TTC7A: variants seen among roughly 807,000 people sequenced by gnomAD.
TTC7A encodes tetratricopeptide repeat domain 7A.
In TTC7A, 110 loss-of-function variants were observed where a neutral mutation model predicts 103.7. The ratio of observed to expected loss-of-function variants is 1.06; its 90% CI spans 0.91 to 1.24. TTC7A has a LOEUF of 1.24. Among genes scored for constraint, TTC7A ranks in the 50% most tolerant of loss-of-function variants. The pLI, the probability that TTC7A is intolerant of heterozygous loss-of-function variation, is 0.00. For synonymous variants in TTC7A, 521 were observed against 467.9 expected (o/e 1.11, Z -1.47); for missense variants, 1,340 against 1,116.3 (o/e 1.20, Z -2.86).
chr2:47,072,947 A>C (rs765374594), intron 19 of TTC7A, among the ~76,000 whole-genome samples: 2 of 152,154 alleles, frequency 1.3e-5, no homozygotes, highest in South Asian at 2.1e-4. Flanking sequence ...TAGTTCCTCT[A>C]TCTCTTTGGT....
In TTC7A at chr2:47,046,400, T is replaced by C. The variant is rs773362664; in HGVS notation, c.1888T>C (p.Trp630Arg). The C allele has an allele frequency of 6.2e-7, 1 of 1,614,200 alleles. No homozygotes were observed. Among genetic ancestry groups the C allele is most frequent in the Non-Finnish European group, 8.5e-7 (1 of 1,180,018 alleles). The stretch of plus-strand genomic sequence containing the variant: ...GACCTGCAGACAAGTGCTGAGGCTG[T>C]GGCAGACCCTGTACAGCTTCTCCCA... ...LVTCRQVLRL[W>R]QTLYSFSQLG... is the part of the protein sequence containing the mutation. The change falls in exon 16 of 20, where the codon TGG becomes CGG. Residue 630 changes from tryptophan to arginine, a missense_variant. By Grantham distance (101) the Trp-to-Arg change is moderately radical. Transcript: ENST00000319190.
intron 3 of TTC7A, among the ~76,000 whole-genome samples, chr2:46,963,233 A>G (rs1195920810): frequency 6.6e-6 from 1 of 152,172 alleles, no homozygotes; most frequent in Non-Finnish European, 1.5e-5. Context: ...TTTCAACTCC[A>G]TTTATCTGAC....
chr2:47,064,453 C>A (rs1385599310), intron 19 of TTC7A, among the ~76,000 whole-genome samples: 1 of 152,198 alleles, frequency 6.6e-6, no homozygotes, highest in Non-Finnish European at 1.5e-5. Context: ...TGCCTGCCTG[C>A]CAATGGGGAA....
intron 18 of TTC7A, among the ~76,000 whole-genome samples, chr2:47,053,568 T>TTGGC (rs1393535982): frequency 6.6e-6 from 1 of 151,710 alleles, no homozygotes; most frequent in African/African-American, 2.4e-5. Flanking sequence ...GGTTGGTTGG[T>TTGGC]TGGTTGGTTG....
intron 12 of TTC7A, among the ~76,000 whole-genome samples, chr2:47,022,703 A>C (rs1679431697): frequency 6.6e-6 from 1 of 152,148 alleles, no homozygotes; most frequent in South Asian, 2.1e-4. Context: ...ATCGGGTATA[A>C]ATGAGCCCTG....
intron 2 of TTC7A, chr2:46,951,661 T>A (rs1671425646): frequency 2.2e-6 from 1 of 456,186 alleles, no homozygotes; most frequent in Non-Finnish European, 4.4e-6. Context: ...TCCTCCTACT[T>A]CAGCCTCCCG....
At chr2:47,049,126 A>C (rs1481277495) in intron 16 of TTC7A, among the ~76,000 whole-genome samples, 2 of 152,070 alleles carry the variant, frequency 1.3e-5, no homozygotes, top group African/African-American at 4.8e-5. Flanking sequence ...CTCTGAAGGA[A>C]AGAAACCTTC....
intron 15 of TTC7A, among the ~76,000 whole-genome samples, chr2:47,032,469 C>G (rs1410318453): frequency 6.6e-6 from 1 of 152,198 alleles, no homozygotes; most frequent in African/African-American, 2.4e-5. Context: ...AGAGCGACTG[C>G]AAGGGCTTCA....
At chr2:47,027,593 A>G (rs1377600452) in intron 14 of TTC7A, among the ~76,000 whole-genome samples, 1 of 152,264 alleles carries the variant, frequency 6.6e-6, no homozygotes, top group Non-Finnish European at 1.5e-5. Flanking sequence ...AAGGTGAGTG[A>G]GCGGCAGCAC....
intron 3 of TTC7A, among the ~76,000 whole-genome samples, chr2:46,968,199 A>T (rs1000426375): frequency 6.6e-6 from 1 of 152,176 alleles, no homozygotes; most frequent in Non-Finnish European, 1.5e-5. Context: ...TTGGCTCCAA[A>T]TCGAAAGTTC....
At chr2:47,059,743 G>A (rs1366131294) in intron 18 of TTC7A, among the ~76,000 whole-genome samples, 1 of 152,246 alleles carries the variant, frequency 6.6e-6, no homozygotes, top group East Asian at 1.9e-4. Flanking sequence ...ATCCCCACGC[G>A]AGGTTCTGAA....
At chr2:46,951,941 A>G (rs892985640) in intron 2 of TTC7A, among the ~76,000 whole-genome samples, 1 of 152,216 alleles carries the variant, frequency 6.6e-6, no homozygotes, top group Non-Finnish European at 1.5e-5. Flanking sequence ...CGAGGAAGCA[A>G]GTCTGAGGGG....
Position 46,941,478 on chromosome 2 carries a change from G to A in TTC7A, c.-64G>A. The A allele has an allele frequency of 2.0e-6, 3 of 1,517,622 alleles. No homozygotes were observed. The South Asian group carries it at 3.7e-5, about 19-fold the overall frequency. 94.0% of individuals were successfully genotyped at this position (1,517,622 alleles called of 1,614,324 possible). On this transcript the variant is annotated 5_prime_UTR_variant, in exon 1 of 20. Transcript: ENST00000319190. This position sits in a 1 kb window ranked among gnomAD's most constrained non-coding sequence, Gnocchi z 4.2. ...CCGCCCGCGAGTGCGCCCCAGCCAG[G>A]ACGCCGCCCCCGGCCGGGTCTCCAC... is the stretch of plus-strand genomic sequence containing the variant.
chr2:47,022,505 C>T (rs1166907731), intron 12 of TTC7A, among the ~76,000 whole-genome samples: 1 of 152,178 alleles, frequency 6.6e-6, no homozygotes, highest in Non-Finnish European at 1.5e-5. Context: ...CCACACCTGG[C>T]CTTCTCTTGC....
At chr2:47,025,595 T>TCTATC (rs1679815988) in intron 14 of TTC7A, among the ~76,000 whole-genome samples, 1 of 152,182 alleles carries the variant, frequency 6.6e-6, no homozygotes, top group African/African-American at 2.4e-5. Context: ...GGTGCCTGTG[T>TCTATC]CTGTCCTGAC....
intron 15 of TTC7A, among the ~76,000 whole-genome samples, chr2:47,032,049 A>G (rs1311121601): frequency 1.3e-5 from 2 of 152,128 alleles, no homozygotes; most frequent in Non-Finnish European, 2.9e-5. Context: ...CAACACGTGC[A>G]CTTTCCACCC....
chr2:47,013,755 C>A (rs1274907381), intron 11 of TTC7A, among the ~76,000 whole-genome samples: 1 of 152,202 alleles, frequency 6.6e-6, no homozygotes, highest in African/African-American at 2.4e-5. Context: ...GCAAAGTAAT[C>A]AATGACAACA....
intron 3 of TTC7A, among the ~76,000 whole-genome samples, chr2:46,974,156 T>C (rs1397686776): frequency 2.0e-5 from 3 of 152,228 alleles, no homozygotes; most frequent in East Asian, 1.9e-4. Context: ...AGGTCTGGAA[T>C]AAAGAAAGTG....
chr2:46,917,070 G>T, intron 1 of TTC7A: 1 of 654,396 alleles, frequency 1.5e-6, no homozygotes, highest in East Asian at 2.7e-5. Context: ...GTTGCCTAAC[G>T]CCACTGCCAT....
Sources: gnomAD v4.1 joint callset for allele counts (sites outside exome capture counted in the v4.1 genomes callset) on GRCh38, gnomAD v4.1.1 for gene constraint, Gnocchi (gnomAD v3.1) non-coding constraint, MANE v1.5 for transcripts, NCBI Gene and HGNC (gene_info 2026-07-23, HGNC 2026-07-21) for gene names.